The following NMT1 variants were observed in gnomAD, a reference collection of about 807,000 sequenced individuals.
The protein encoded by NMT1 is N-myristoyltransferase 1.
A neutral mutation model predicts 63.4 loss-of-function variants in NMT1; 12 were observed. The observed-to-expected ratio is 0.19, with a 90% CI of 0.12 to 0.31. NMT1 has a LOEUF of 0.31. NMT1 is among the 10% of genes least tolerant of loss of function. The pLI, the probability that NMT1 is intolerant of heterozygous loss-of-function variation, is 1.00. For synonymous variants in NMT1, 228 were observed against 234.3 expected (o/e 0.97, Z 0.25); for missense variants, 432 against 634.6 (o/e 0.68, Z 3.43).
In NMT1 at chr17:45,105,537, C is replaced by G. The variant is rs988913418; in HGVS notation, c.1471-82C>G. 1 of 1,529,338 alleles carries G rather than the reference C, an allele frequency of 6.5e-7. No homozygotes were observed. Among genetic ancestry groups the G allele is most frequent in the South Asian group, 1.1e-5 (1 of 88,604 alleles). The allele number at this position is 1,529,338 out of a possible 1,614,324, so 94.7% of individuals were successfully genotyped here. On this transcript the variant is annotated intron_variant, in intron 11 of 11. Transcript: ENST00000258960. The surrounding 1 kb of genome is among the most constrained non-coding windows in gnomAD (Gnocchi z 4.2). ...GGCGGTGGACCCGGGCCCAGCCACT[C>G]GGAACTTCAGGGATAGGGGGTGTGG...
chr17:45,065,622 T>TC (rs1434416446), intron 1 of NMT1, among the ~76,000 whole-genome samples: 3 of 44,854 alleles, frequency 6.7e-5, no homozygotes, highest in Admixed American at 2.8e-4. Context: ...AGACTCTGTC[T>TC]CAAAAAAAAA....
chr17:45,075,573 A>C (rs573291541), intron 1 of NMT1, among the ~76,000 whole-genome samples: 1 of 152,030 alleles, frequency 6.6e-6, no homozygotes, highest in South Asian at 2.1e-4. Context: ...TGAGGTCAGG[A>C]GTTCAAGACC....
Position 45,098,614 on chromosome 17 carries a change from T to C in NMT1, c.884+62T>C, listed in dbSNP as rs1409865549. 6 of 1,471,644 alleles carry C rather than the reference T, an allele frequency of 4.1e-6. No homozygotes were observed. In the Admixed American group the frequency reaches 8.7e-5, roughly 21 times the overall value. The allele number at this position is 1,471,644 out of a possible 1,614,324, so 91.2% of individuals were successfully genotyped here. On this transcript the variant is annotated intron_variant, in intron 7 of 11. Transcript: ENST00000258960. ...GTGTCTGCACTGTAGTTGAGGAGCA[T>C]GTGCCACTGTGAGTCACAGCTCCGC...
chr17:45,081,434 A>G (rs561666125), intron 1 of NMT1, among the ~76,000 whole-genome samples: 7 of 152,364 alleles, frequency 4.6e-5, no homozygotes, highest in African/African-American at 1.2e-4. Flanking sequence ...TCCCTTGCCC[A>G]GCACTCCCTC....
rs189014479 is a variant in NMT1 at position 45,068,930 on chromosome 17, G to A, written c.131+7470G>A. ...CCAAAGTGCTGGGATTATTACAGGC[G>A]TGAGCCACCATGCCTGGACTTTAGT... On this transcript the variant is annotated intron_variant, in intron 1 of 11. Coordinates refer to ENST00000258960, the MANE Select transcript of NMT1 (RefSeq NM_021079.5). Among the ~76,000 whole-genome samples the A allele has an allele frequency of 1.7e-3, 252 of 151,496 alleles. 1 individual carries two copies. The highest frequency in any genetic ancestry group is 5.7e-3 in the African/African-American group (235 of 41,268).
rs146430889 is a variant in NMT1 at position 45,085,923 on chromosome 17, G to A, written c.241-585G>A. Among the ~76,000 whole-genome samples the A allele has an allele frequency of 9.6e-3, 1,449 of 151,698 alleles. 16 individuals are homozygous for A. The highest frequency in any genetic ancestry group is 0.016 in the Non-Finnish European group (1,091 of 67,964). On this transcript the variant is annotated intron_variant, in intron 2 of 11. Transcript: ENST00000258960. The stretch of plus-strand genomic sequence containing the variant: ...TGCAACATCTGCCTCCCAGGTTCAA[G>A]CAATTCTCGTGTCTCAGCCTCCTGA...
At chr17:45,072,513 C>G (rs143982238) in intron 1 of NMT1, among the ~76,000 whole-genome samples, 1 of 151,854 alleles carries the variant, frequency 6.6e-6, no homozygotes, top group East Asian at 2.0e-4. Flanking sequence ...GATCCACCCA[C>G]CTTGGTCTCC....
chr17:45,080,204 A>T (rs2054006968), intron 1 of NMT1, among the ~76,000 whole-genome samples: 1 of 148,752 alleles, frequency 6.7e-6, no homozygotes, highest in Non-Finnish European at 1.5e-5. Context: ...CTTGTTTCCC[A>T]GGCTGGAGTG....
At chr17:45,092,337 C>T (rs931022644) in intron 3 of NMT1, among the ~76,000 whole-genome samples, 13 of 152,098 alleles carry the variant, frequency 8.5e-5, no homozygotes, top group African/African-American at 2.4e-4. Context: ...TCAGTGCCAG[C>T]GGTGGTGTCG....
chr17:45,066,093 G>C (rs1011300594), intron 1 of NMT1, among the ~76,000 whole-genome samples: 3 of 151,978 alleles, frequency 2.0e-5, no homozygotes, highest in African/African-American at 7.3e-5. Flanking sequence ...GGATTCTGTT[G>C]CCCGGGCTGG....
At chr17:45,082,785 G>A (rs573575379) in intron 2 of NMT1, among the ~76,000 whole-genome samples, 61 of 152,294 alleles carry the variant, frequency 4.0e-4, no homozygotes, top group African/African-American at 1.4e-3. Flanking sequence ...GGAGGCCAAG[G>A]CGGGTGGATC....
chr17:45,065,892 T>A (rs80134767), intron 1 of NMT1, among the ~76,000 whole-genome samples: 1 of 150,936 alleles, frequency 6.6e-6, no homozygotes, highest in Admixed American at 6.6e-5. Context: ...TTTTTTTTTT[T>A]AAAGAGACTG....
Position 45,063,071 on chromosome 17 carries a change from G to A in NMT1, c.131+1611G>A, listed in dbSNP as rs191647152. Among the ~76,000 whole-genome samples, 11 of 152,062 alleles carry A rather than the reference G, an allele frequency of 7.2e-5. No individual in the cohort carries two copies. In the East Asian group the frequency reaches 1.9e-3, roughly 27 times the overall value. On this transcript the variant is annotated intron_variant, in intron 1 of 11. Transcript: ENST00000258960. ...TACAAAAAATTTAGCCGGGCGTGGT[G>A]GCGGGCGCCTGTAGTCCCAACTACT...
At chr17:45,102,640 A>G (rs2054174468) in intron 8 of NMT1, among the ~76,000 whole-genome samples, 1 of 152,262 alleles carries the variant, frequency 6.6e-6, no homozygotes, top group African/African-American at 2.4e-5. Context: ...GCCCAAGGGT[A>G]GAAATTCTTG....
intron 1 of NMT1, among the ~76,000 whole-genome samples, chr17:45,071,258 A>G (rs186701502): frequency 1.3e-5 from 2 of 152,190 alleles, no homozygotes. Context: ...TATTTGAGAC[A>G]AGGTTTCACT....
chr17:45,086,336 G>T (rs2054052423), intron 2 of NMT1, among the ~76,000 whole-genome samples, 172 bp from the exon 3 acceptor site: 2 of 151,934 alleles, frequency 1.3e-5, no homozygotes, highest in Admixed American at 6.6e-5. Context: ...TGTTGGTCAG[G>T]TGGGTCTCGA....
Position 45,103,890 on chromosome 17 carries a change from G to C in NMT1, c.1332+14G>C, listed in dbSNP as rs560450936. 6 of 1,612,020 alleles carry C rather than the reference G, an allele frequency of 3.7e-6. No homozygotes were observed. The South Asian group carries it at 5.5e-5, about 15-fold the overall frequency. ...CTCGCCAAAATGGTGAGGAGCAGAC[G>C]GGGGGGTCTCTGGAGATGTGCAGGG... On this transcript the variant is annotated intron_variant, in intron 10 of 11. Transcript: ENST00000258960. The surrounding 1 kb of genome is among the most constrained non-coding windows in gnomAD (Gnocchi z 4.8).
chr17:45,085,475 AGTGT>A (rs764548288), intron 2 of NMT1, among the ~76,000 whole-genome samples: 1 of 152,150 alleles, frequency 6.6e-6, no homozygotes, highest in Non-Finnish European at 1.5e-5. Flanking sequence ...GTTTTTGAAA[AGTGT>A]GTGTGCATTT....
Position 45,096,272 on chromosome 17 carries a change from G to C in NMT1, c.583G>C (p.Glu195Gln). 1 of 1,613,906 alleles carries C rather than the reference G, an allele frequency of 6.2e-7. No homozygotes were observed. Residue 195 changes from glutamate (E) to glutamine (Q), a missense_variant, in exon 5 of 12, where the codon GAG becomes CAG. Transcript: ENST00000258960. ...DNMFRFDYSP[E>Q]FLLWALRPPG... ...CATGTTCCGATTTGATTATTCCCCGGAGTTTCTTTTGTGGTAAGTTGTGGG... is the reference window on the plus strand; with the variant it reads ...CATGTTCCGATTTGATTATTCCCCGCAGTTTCTTTTGTGGTAAGTTGTGGG...
Sources: gnomAD v4.1 joint callset for allele counts (sites outside exome capture counted in the v4.1 genomes callset) on GRCh38, gnomAD v4.1.1 for gene constraint, Gnocchi (gnomAD v3.1) non-coding constraint, MANE v1.5 for transcripts, NCBI Gene and HGNC (gene_info 2026-07-23, HGNC 2026-07-21) for gene names.